PDZD8: variants seen among roughly 807,000 people sequenced by gnomAD.
The protein encoded by PDZD8 is PDZ domain containing 8.
A neutral mutation model predicts 85.8 loss-of-function variants in PDZD8; 14 were observed. The ratio of observed to expected loss-of-function variants is 0.16; its 90% CI spans 0.11 to 0.26. The LOEUF (loss-of-function observed/expected upper bound fraction) is 0.26, where lower values mean the gene tolerates loss of function less well. Among genes scored for constraint, PDZD8 ranks in the 10% least tolerant of loss-of-function variants. The pLI, the probability that PDZD8 is intolerant of heterozygous loss-of-function variation, is 1.00. For synonymous variants in PDZD8, 592 were observed against 568.6 expected (o/e 1.04, Z -0.59); for missense variants, 1,197 against 1,424.3 (o/e 0.84, Z 2.57).
chr10:117,320,411 G>T lies in PDZD8; in HGVS notation c.996-1437C>A. On this transcript the variant is annotated intron_variant, in intron 2 of 4. Coordinates refer to ENST00000334464, the MANE Select transcript of PDZD8 (RefSeq NM_173791.5). ...TTGTCAGAAATTCTCCCCTGTAATC[G>T]TAAGTTATTCCATATTTTTCACAGC... is the stretch of plus-strand genomic sequence containing the variant. Among the ~76,000 whole-genome samples, 3 of 152,050 alleles carry T rather than the reference G, an allele frequency of 2.0e-5. No individual in the cohort carries two copies. The Middle Eastern group carries it at 0.01, about 517-fold the overall frequency.
At chr10:117,294,000 G>A (rs1475140331) in intron 3 of PDZD8, among the ~76,000 whole-genome samples, 1 of 152,056 alleles carries the variant, frequency 6.6e-6, no homozygotes, top group African/African-American at 2.4e-5. Flanking sequence ...TATTTCAAAT[G>A]AAATGATGAA....
At chr10:117,322,899 T>C (rs921368700) in intron 2 of PDZD8, among the ~76,000 whole-genome samples, 3 of 152,320 alleles carry the variant, frequency 2.0e-5, no homozygotes, top group African/African-American at 7.2e-5. Flanking sequence ...AGAAACATTA[T>C]AGGACTCAAA....
chr10:117,342,977 C>T (rs1462850206), intron 1 of PDZD8, among the ~76,000 whole-genome samples: 1 of 152,170 alleles, frequency 6.6e-6, no homozygotes, highest in East Asian at 1.9e-4. Context: ...ATACATGCTG[C>T]TTTCACTCTT....
chr10:117,304,718 T>G (rs558820077), intron 3 of PDZD8, among the ~76,000 whole-genome samples: 2 of 152,260 alleles, frequency 1.3e-5, no homozygotes, highest in African/African-American at 4.8e-5. Context: ...AGAGATCTGA[T>G]GGGTTTATCA....
rs780850170 is a variant in PDZD8, at chr10:117,375,274, C to G, written c.-47G>C. On this transcript the variant is annotated 5_prime_UTR_variant, in exon 1 of 5. Transcript: ENST00000334464. Reference sequence around the variant, plus strand: ...GCCCCTACTCCCGCGCCCACAGCGCCGCTTTCTTCACGCCGCCGCCCCCGC... The same window carrying G: ...GCCCCTACTCCCGCGCCCACAGCGCGGCTTTCTTCACGCCGCCGCCCCCGC... 147 of 1,409,132 alleles carry G rather than the reference C, an allele frequency of 1.0e-4. No individual in the cohort carries two copies. The highest frequency in any genetic ancestry group is 1.3e-4 in the Non-Finnish European group (140 of 1,081,680). The allele number at this position is 1,409,132 out of a possible 1,614,324, so 87.3% of individuals were successfully genotyped here.
Position 117,290,174 on chromosome 10 carries a change from T to C in PDZD8, c.1261+12A>G. 6.2e-7 allele frequency: 1 copy of C among 1,609,936 alleles called. No individual in the cohort carries two copies. The highest frequency in any genetic ancestry group is 8.5e-7 in the Non-Finnish European group (1 of 1,178,160). On this transcript the variant is annotated intron_variant, in intron 4 of 4. Coordinates refer to ENST00000334464, the MANE Select transcript of PDZD8 (RefSeq NM_173791.5). ...TGTAAAGGTAAAGTATAATGCATAT[T>C]AGCATAATTACCTCCAATGGCGATA...
chr10:117,292,651 T>C (rs190663088), intron 3 of PDZD8, among the ~76,000 whole-genome samples: 10 of 151,938 alleles, frequency 6.6e-5, no homozygotes, highest in Admixed American at 5.2e-4. Context: ...AGGAAGTGAA[T>C]AGAGGCTAGT....
chr10:117,339,555 C>T (rs1844574675), intron 2 of PDZD8, among the ~76,000 whole-genome samples: 1 of 152,148 alleles, frequency 6.6e-6, no homozygotes. Flanking sequence ...TGTGGGCTAT[C>T]AAGGGTTTCT....
At chr10:117,335,574 C>CT (rs2133837720) in intron 2 of PDZD8, among the ~76,000 whole-genome samples, 1 of 152,190 alleles carries the variant, frequency 6.6e-6, no homozygotes, top group South Asian at 2.1e-4. Flanking sequence ...TGTTAATACT[C>CT]TATGTATTTA....
intron 2 of PDZD8, among the ~76,000 whole-genome samples, chr10:117,340,760 T>C (rs1398065384): frequency 6.6e-6 from 1 of 152,212 alleles, no homozygotes; most frequent in Admixed American, 6.5e-5. Flanking sequence ...TCAGAATGAC[T>C]ACAGAGTAAA....
chr10:117,319,435 T>A (rs2803808), intron 2 of PDZD8, among the ~76,000 whole-genome samples: 5,356 of 18,590 alleles, frequency 0.29, 356 homozygotes, highest in African/African-American at 0.39. Context: ...ACACACACAC[T>A]CTTCATCTAC....
At chr10:117,286,477 A>C (rs1844666958) in intron 4 of PDZD8, among the ~76,000 whole-genome samples, 2 of 152,346 alleles carry the variant, frequency 1.3e-5, no homozygotes, top group African/African-American at 4.8e-5. Context: ...CCCCTTTCTC[A>C]TAACTTGACT....
intron 1 of PDZD8, among the ~76,000 whole-genome samples, chr10:117,345,372 C>A (rs1844686923): frequency 6.6e-6 from 1 of 152,132 alleles, no homozygotes; most frequent in African/African-American, 2.4e-5. Context: ...AAATATCAAA[C>A]ACTTACCCAA....
intron 3 of PDZD8, among the ~76,000 whole-genome samples, chr10:117,296,000 G>GA (rs1338941823): frequency 6.6e-6 from 1 of 151,642 alleles, no homozygotes; most frequent in Admixed American, 6.6e-5. Context: ...AAAAAAAAAG[G>GA]AAAGTGTAAA....
intron 3 of PDZD8, among the ~76,000 whole-genome samples, chr10:117,307,417 T>TA (rs1032861265): frequency 1.3e-5 from 2 of 152,038 alleles, no homozygotes; most frequent in African/African-American, 4.8e-5. Context: ...GCCTCCTACT[T>TA]AAACTTCTGA....
chr10:117,318,679 A>G (rs2133809479), intron 3 of PDZD8, among the ~76,000 whole-genome samples, 193 bp downstream of exon 3: 1 of 152,346 alleles, frequency 6.6e-6, no homozygotes, highest in South Asian at 2.1e-4. Flanking sequence ...TGCAGGTAAT[A>G]TGAATACTAT....
chr10:117,294,640 C>T (rs78564695), intron 3 of PDZD8, among the ~76,000 whole-genome samples: 3,373 of 152,106 alleles, frequency 0.022, 111 homozygotes, highest in African/African-American at 0.074. Context: ...AAAAAATGTG[C>T]GGTATACAAA....
chr10:117,332,354 C>T (rs532994668), intron 2 of PDZD8, among the ~76,000 whole-genome samples: 1 of 152,262 alleles, frequency 6.6e-6, no homozygotes, highest in East Asian at 1.9e-4. Context: ...TTATTATACA[C>T]ATTTCTCCAT....
At chr10:117,348,526 A>C (rs1317930696) in intron 1 of PDZD8, among the ~76,000 whole-genome samples, 1 of 152,212 alleles carries the variant, frequency 6.6e-6, no homozygotes, top group Admixed American at 6.5e-5. Context: ...GTCGAAGATC[A>C]GGGTACAGAC....
Sources: allele counts gnomAD v4.1 joint callset (sites outside exome capture counted in the v4.1 genomes callset), GRCh38; gene constraint gnomAD v4.1.1; transcripts MANE v1.5; gene names NCBI Gene and HGNC (gene_info 2026-07-23, HGNC 2026-07-21).